PCDHGC3: variants seen among roughly 807,000 people sequenced by gnomAD.
The protein encoded by PCDHGC3 is protocadherin gamma-C3.
A neutral mutation model predicts 59.2 loss-of-function variants in PCDHGC3; 26 were observed. The ratio of observed to expected loss-of-function variants is 0.44; its 90% CI spans 0.32 to 0.61. The LOEUF is 0.61. Ranked by LOEUF, PCDHGC3 falls within the 20% of genes least tolerant of loss-of-function variation. PCDHGC3 has a pLI of 0.05. For synonymous variants in PCDHGC3, 487 were observed against 519.7 expected, an observed-to-expected ratio of 0.94 and a Z score of 0.86; for missense variants, 1,080 against 1,221.8, an observed-to-expected ratio of 0.88 and a Z score of 1.73.
chr5:141,499,677 T>C (rs2099793326), intron 2 of PCDHGC3, among the ~76,000 whole-genome samples: 1 of 151,690 alleles, frequency 6.6e-6, no homozygotes, highest in African/African-American at 2.4e-5. Flanking sequence ...CTCCACCATC[T>C]TTAACAGATG....
chr5:141,480,730 G>A (rs1261461187), intron 1 of PCDHGC3, among the ~76,000 whole-genome samples: 1 of 152,168 alleles, frequency 6.6e-6, no homozygotes, highest in East Asian at 1.9e-4. Flanking sequence ...GTCTCTGGGG[G>A]TGGGACATAG....
rs2099521625 is a variant in PCDHGC3, at chr5:141,480,568, G to A, written c.2430+2022G>A. 2.0e-5 allele frequency among the ~76,000 whole-genome samples: 3 copies of A among 152,338 alleles called. No individual in the cohort carries two copies. The South Asian group carries it at 6.2e-4, about 32-fold the overall frequency. Reference sequence around the variant, plus strand: ...AAAGGCTAAGAAAGCATGAAAGCCAGCAAGAAATAACTGCCGCTCTTCTGG... The same window carrying A: ...AAAGGCTAAGAAAGCATGAAAGCCAACAAGAAATAACTGCCGCTCTTCTGG... On this transcript the variant is annotated intron_variant, in intron 1 of 3. Coordinates refer to ENST00000308177, the MANE Select transcript of PCDHGC3 (RefSeq NM_002588.4).
At position 141,486,257 on chromosome 5, in the gene PCDHGC3, A is replaced by C; in HGVS notation, c.2430+7711A>C. 6.2e-7 allele frequency: 1 copy of C among 1,614,032 alleles called. No individual in the cohort carries two copies. The highest frequency in any genetic ancestry group is 8.5e-7 in the Non-Finnish European group (1 of 1,179,982). On this transcript the variant is annotated intron_variant, in intron 1 of 3. Transcript: ENST00000308177. The surrounding 1 kb of genome is among the most constrained non-coding windows in gnomAD (Gnocchi z 5.0). ...CTCAGAGCTTGGAACCCTCCCCGAG[A>C]GTGCAGAACCTGGCACTGTGGTGGC... is the stretch of plus-strand genomic sequence containing the variant.
intron 2 of PCDHGC3, among the ~76,000 whole-genome samples, chr5:141,497,642 C>T (rs1426920174): frequency 1.3e-5 from 2 of 151,352 alleles, no homozygotes; most frequent in Middle Eastern, 3.4e-3. Context: ...CAGGTTCAAG[C>T]GATTCTCCTG....
Position 141,485,581 on chromosome 5 carries a change from G to C in PCDHGC3, c.2430+7035G>C. The C allele has an allele frequency of 6.2e-7, 1 of 1,612,458 alleles. No individual in the cohort carries two copies. The highest frequency in any genetic ancestry group is 8.5e-7 in the Non-Finnish European group (1 of 1,178,652). ...ATCACGCCCCCCGTTTTCCGCGGCA[G>C]CAGCTGGACTTGGAAATTGGGGAGG... On this transcript the variant is annotated intron_variant, in intron 1 of 3. Coordinates refer to ENST00000308177, the MANE Select transcript of PCDHGC3 (RefSeq NM_002588.4). This position sits in a 1 kb window ranked among gnomAD's most constrained non-coding sequence, Gnocchi z 5.7.
intron 1 of PCDHGC3, among the ~76,000 whole-genome samples, chr5:141,488,434 C>T (rs1231743982): frequency 2.6e-5 from 4 of 152,166 alleles, no homozygotes; most frequent in African/African-American, 7.2e-5. Flanking sequence ...TGGCCTCTGA[C>T]CACCCTCCTG....
rs147674746 is a variant in PCDHGC3, at chr5:141,477,348, C to G, written c.1232C>G (p.Thr411Ser). 7 of 1,614,180 alleles carry G rather than the reference C, an allele frequency of 4.3e-6. No individual in the cohort carries two copies. Among genetic ancestry groups the G allele is most frequent in the Non-Finnish European group, 5.9e-6 (7 of 1,180,030 alleles). Reference protein sequence around the residue: ...SSLKNYFTLKTSADLDRETVP... With the variant: ...SSLKNYFTLKSSADLDRETVP... ...CTCAAGAATTACTTCACTTTGAAAA[C>G]CAGTGCAGACCTGGATCGGGAGACT... is the stretch of plus-strand genomic sequence containing the variant. Residue 411 changes from threonine (T) to serine (S), a missense_variant, in exon 1 of 4, where the codon ACC (threonine) becomes AGC (serine). By Grantham distance (58) the Thr-to-Ser change is moderately conservative. Transcript: ENST00000308177. The surrounding 1 kb of genome is among the most constrained non-coding windows in gnomAD (Gnocchi z 4.9).
In PCDHGC3 at chr5:141,490,537, T is replaced by C; in HGVS notation, c.2431-4270T>C. On this transcript the variant is annotated intron_variant, in intron 1 of 3. Transcript: ENST00000308177. This position sits in a 1 kb window ranked among gnomAD's most constrained non-coding sequence, Gnocchi z 5.4. ...GCTGGCCAGCGATGCTGGTTCACCT[T>C]CCCTACACAAACATCTCACCATCAG... is the stretch of plus-strand genomic sequence containing the variant. 1.9e-6 allele frequency: 3 copies of C among 1,614,180 alleles called. No homozygotes were observed. The highest frequency in any genetic ancestry group is 8.5e-7 in the Non-Finnish European group (1 of 1,180,028).
Position 141,485,286 on chromosome 5 carries a change from AG to A in PCDHGC3, c.2430+6741del. On this transcript the variant is annotated intron_variant, in intron 1 of 3. Coordinates refer to ENST00000308177, the MANE Select transcript of PCDHGC3 (RefSeq NM_002588.4). This position sits in a 1 kb window ranked among gnomAD's most constrained non-coding sequence, Gnocchi z 5.7. ...CAGATCCGCTACCCGGTCCCAGAGG[AG>A]TCACAGGAAGGGACTTTTGTAGGGA... The A allele has an allele frequency of 6.2e-7, 1 of 1,614,044 alleles. No homozygotes were observed. Among genetic ancestry groups the A allele is most frequent in the Non-Finnish European group, 8.5e-7 (1 of 1,179,928 alleles).
At chr5:141,497,464 TGGA>T (rs769464389) in intron 2 of PCDHGC3, among the ~76,000 whole-genome samples, 3 of 151,764 alleles carry the variant, frequency 2.0e-5, no homozygotes, top group Non-Finnish European at 4.4e-5. Context: ...CTTGGAGATA[TGGA>T]GGAGAAGGTG....
Position 141,485,428 on chromosome 5 carries a change from C to T in PCDHGC3, c.2430+6882C>T, listed in dbSNP as rs2099613200. Reference sequence around the variant, plus strand: ...TGGATTTGGACAGCGGAGCCCTGCTCATCAAGAACCCAATCGACCGAGAGG... The same window carrying T: ...TGGATTTGGACAGCGGAGCCCTGCTTATCAAGAACCCAATCGACCGAGAGG... On this transcript the variant is annotated intron_variant, in intron 1 of 3. Transcript: ENST00000308177. The surrounding 1 kb of genome is among the most constrained non-coding windows in gnomAD (Gnocchi z 5.7). The T allele has an allele frequency of 2.5e-6, 4 of 1,614,160 alleles. No homozygotes were observed. The highest frequency in any genetic ancestry group is 3.4e-6 in the Non-Finnish European group (4 of 1,180,022).
rs758266181 is a variant in PCDHGC3 at position 141,476,561 on chromosome 5, G to A, written c.445G>A (p.Ala149Thr). 1.9e-6 allele frequency: 3 copies of A among 1,614,100 alleles called. No homozygotes were observed. The highest frequency in any genetic ancestry group is 2.5e-6 in the Non-Finnish European group (3 of 1,180,050). Reference sequence around the variant, plus strand: ...GAAATTGGAGATTAGCGAGGCCGTGGCTCCGGGGACGCGCTTTCCGCTCGA... The same window carrying A: ...GAAATTGGAGATTAGCGAGGCCGTGACTCCGGGGACGCGCTTTCCGCTCGA... ...EMKLEISEAVAPGTRFPLESA... is the reference protein window; with the variant it reads ...EMKLEISEAVTPGTRFPLESA... Residue 149 changes from alanine (A) to threonine (T), a missense_variant, in exon 1 of 4, where the codon GCT becomes ACT. Physicochemically the swap from Ala to Thr is moderately conservative, Grantham distance 58 (BLOSUM62 0). Coordinates refer to ENST00000308177, the MANE Select transcript of PCDHGC3 (RefSeq NM_002588.4). This position sits in a 1 kb window ranked among gnomAD's most constrained non-coding sequence, Gnocchi z 7.6.
intron 1 of PCDHGC3, chr5:141,478,773 T>C (rs975950601): frequency 1.3e-6 from 2 of 1,496,766 alleles, no homozygotes; most frequent in African/African-American, 2.8e-5. Context: ...GACTCATCTG[T>C]GGACCTAATT....
intron 1 of PCDHGC3, among the ~76,000 whole-genome samples, chr5:141,480,768 A>G (rs1371582817): frequency 6.6e-6 from 1 of 152,162 alleles, no homozygotes; most frequent in African/African-American, 2.4e-5. Flanking sequence ...TCCCCACTTG[A>G]TCCTAATGTG....
chr5:141,510,958 G>A lies in PCDHGC3; in HGVS notation c.2590G>A (p.Gly864Arg). 6.2e-7 allele frequency: 1 copy of A among 1,614,130 alleles called. No homozygotes were observed. Among genetic ancestry groups the A allele is most frequent in the Non-Finnish European group, 8.5e-7 (1 of 1,180,012 alleles). The change falls in exon 4 of 4, where the codon GGG becomes AGG. Residue 864 changes from glycine to arginine, a missense_variant. Transcript: ENST00000308177. The stretch of plus-strand genomic sequence containing the variant: ...CTCTGTCTCTGCAGAAGCTGCTGAT[G>A]GGAGCTCCACCCTGGGAGGGGGTGC... ...ILASASEAAD[G>R]SSTLGGGAGT...
rs1438257730 is a variant in PCDHGC3, at chr5:141,477,587, C to G, written c.1471C>G (p.Arg491Gly). 4.3e-6 allele frequency: 7 copies of G among 1,614,094 alleles called. 1 individual carries two copies. In the South Asian group the frequency reaches 7.7e-5, roughly 18 times the overall value. ...GGACCCCGACGCCCCGCAGAATGCT[C>G]GGCTTTCTTTCTTTCTCTTGGAGCA... The part of the protein sequence containing the change: ...VWDPDAPQNA[R>G]LSFFLLEQGA... The change falls in exon 1 of 4, where the codon CGG (arginine) becomes GGG (glycine). Residue 491 changes from arginine (R) to glycine (G), a missense_variant. Transcript: ENST00000308177. The surrounding 1 kb of genome is among the most constrained non-coding windows in gnomAD (Gnocchi z 4.9).
chr5:141,489,283 G>A lies in PCDHGC3; in HGVS notation c.2431-5524G>A. The A allele has an allele frequency of 6.4e-7, 1 of 1,569,594 alleles. No homozygotes were observed. Among genetic ancestry groups the A allele is most frequent in the Admixed American group, 1.8e-5 (1 of 55,646 alleles). ...CCCACAGCTCGCTGGGAAATGGCAA[G>A]TGCTGTGCATGTTGTCCTTGTGCTG... On this transcript the variant is annotated intron_variant, in intron 1 of 3. Coordinates refer to ENST00000308177, the MANE Select transcript of PCDHGC3 (RefSeq NM_002588.4). This position sits in a 1 kb window ranked among gnomAD's most constrained non-coding sequence, Gnocchi z 4.5.
chr5:141,494,656 C>CT, intron 1 of PCDHGC3, 151 bp from the exon 2 acceptor site: 1 of 1,478,476 alleles, frequency 6.8e-7, no homozygotes, highest in Non-Finnish European at 9.1e-7. Flanking sequence ...TGTATTTTGT[C>CT]TTTGGAGATG....
rs1288831801 is a variant in PCDHGC3, at chr5:141,477,793, T to C, written c.1677T>C (p.Asp559=). The C allele has an allele frequency of 6.2e-7, 1 of 1,614,050 alleles. No homozygotes were observed. The highest frequency in any genetic ancestry group is 2.2e-5 in the East Asian group (1 of 44,874). ...TCAGCGTGAACATATTTGTCACTGATCGCAATGACAATGCCCCCCAGGTCC... is the reference window on the plus strand; with the variant it reads ...TCAGCGTGAACATATTTGTCACTGACCGCAATGACAATGCCCCCCAGGTCC... The part of the protein sequence containing the change: ...TNISVNIFVT[D]RNDNAPQVLY... Residue 559 remains aspartate (D), a synonymous_variant, in exon 1 of 4, where the codon GAT becomes GAC. Coordinates refer to ENST00000308177, the MANE Select transcript of PCDHGC3 (RefSeq NM_002588.4). This position sits in a 1 kb window ranked among gnomAD's most constrained non-coding sequence, Gnocchi z 4.9.
Sources: gnomAD v4.1 joint callset for allele counts (sites outside exome capture counted in the v4.1 genomes callset) on GRCh38, gnomAD v4.1.1 for gene constraint, Gnocchi (gnomAD v3.1) non-coding constraint, MANE v1.5 for transcripts, NCBI Gene and HGNC (gene_info 2026-07-23, HGNC 2026-07-21) for gene names.